Variants in RBFOX1 observed in about 807,000 individuals in gnomAD.
The protein encoded by RBFOX1 is RNA binding fox-1 homolog 1.
A neutral mutation model predicts 57.7 loss-of-function variants in RBFOX1; 8 were observed. The ratio of observed to expected loss-of-function variants is 0.14; its 90% CI spans 0.08 to 0.25. The LOEUF (loss-of-function observed/expected upper bound fraction) is 0.25, where lower values mean the gene tolerates loss of function less well. RBFOX1 is among the 10% of genes least tolerant of loss of function. The probability of loss-of-function intolerance (pLI) is 1.00; values close to 1 mark genes in which losing one functional copy is unlikely to be tolerated. For synonymous variants in RBFOX1, 326 were observed against 222.4 expected (o/e 1.47, Z -4.15); for missense variants, 611 against 548.5 (o/e 1.11, Z -1.14).
intron 1 of RBFOX1, among the ~76,000 whole-genome samples, chr16:5,427,583 TCAAAA>T (rs4039609): frequency 0.35 from 51,543 of 148,476 alleles, 9,305 homozygotes; most frequent in African/African-American, 0.43. Flanking sequence ...AGACTCTGTC[TCAAAA>T]CAAAACAAAA....
At chr16:7,092,078 A>T (rs2060955167) in intron 4 of RBFOX1, among the ~76,000 whole-genome samples, 1 of 152,226 alleles carries the variant, frequency 6.6e-6, no homozygotes, top group African/African-American at 2.4e-5. Flanking sequence ...ATATGCTGGA[A>T]CACTGGTTAA....
intron 4 of RBFOX1, among the ~76,000 whole-genome samples, chr16:5,999,387 T>C (rs1250653261): frequency 6.6e-6 from 1 of 152,244 alleles, no homozygotes; most frequent in African/African-American, 2.4e-5. Flanking sequence ...GGTCAAACTC[T>C]TCCCCCATTG....
At chr16:7,172,294 G>A (rs2061810) in intron 4 of RBFOX1, among the ~76,000 whole-genome samples, 30,854 of 151,966 alleles carry the variant, frequency 0.2, 4,875 homozygotes, top group African/African-American at 0.43. Context: ...CTTCTTTCAT[G>A]TAAATGCCCA....
chr16:5,841,622 C>G (rs1240113638), intron 3 of RBFOX1, among the ~76,000 whole-genome samples: 1 of 152,170 alleles, frequency 6.6e-6, no homozygotes, highest in Non-Finnish European at 1.5e-5. Context: ...GGATATACTT[C>G]TGTTAATCTC....
At chr16:7,052,002 G>C in intron 3 of RBFOX1, 55 bp from the exon 4 acceptor site, 1 of 1,589,812 alleles carries the variant, frequency 6.3e-7, no homozygotes, top group Non-Finnish European at 8.6e-7. Context: ...TTTCTTTCAT[G>C]TTTTTCTGAT....
intron 3 of RBFOX1, among the ~76,000 whole-genome samples, chr16:5,607,725 T>G (rs1416335708): frequency 6.6e-6 from 1 of 152,202 alleles, no homozygotes. Context: ...TGCCCCAATC[T>G]GAGGTCACTG....
At chr16:6,608,633 AACT>A (rs1271569982) in intron 2 of RBFOX1, among the ~76,000 whole-genome samples, 1 of 152,196 alleles carries the variant, frequency 6.6e-6, no homozygotes, top group African/African-American at 2.4e-5. Flanking sequence ...TACAAAAATT[AACT>A]AGTCATGGCG....
chr16:7,362,058 T>C (rs1472272245), intron 4 of RBFOX1, among the ~76,000 whole-genome samples: 1 of 151,932 alleles, frequency 6.6e-6, no homozygotes, highest in Non-Finnish European at 1.5e-5. Flanking sequence ...GTTTTGTGTA[T>C]ATGTTAGTAC....
At chr16:5,420,877 C>T (rs1242103999) in intron 1 of RBFOX1, among the ~76,000 whole-genome samples, 1 of 54,266 alleles carries the variant, frequency 1.8e-5, no homozygotes, top group Non-Finnish European at 3.7e-5. Context: ...TCCTCTCCCT[C>T]CCTCCCCCTC....
chr16:5,785,687 C>G (rs1000944889), intron 3 of RBFOX1, among the ~76,000 whole-genome samples: 3 of 151,944 alleles, frequency 2.0e-5, no homozygotes, highest in Non-Finnish European at 4.4e-5. Context: ...ACCACCATAC[C>G]CGGCTAATTT....
chr16:7,694,048 C>T (rs1278641416), intron 14 of RBFOX1, among the ~76,000 whole-genome samples: 8 of 152,120 alleles, frequency 5.3e-5, no homozygotes, highest in Non-Finnish European at 7.4e-5. Flanking sequence ...TGGTTCAGAA[C>T]AGTTAAATTT....
intron 4 of RBFOX1, among the ~76,000 whole-genome samples, chr16:7,371,406 C>G (rs558271473): frequency 4.6e-5 from 7 of 152,252 alleles, no homozygotes; most frequent in African/African-American, 1.7e-4. Context: ...TAAAGCTAAT[C>G]AGTATCAGCG....
At chr16:5,264,589 TATTTGC>T (rs902129157) in intron 1 of RBFOX1, among the ~76,000 whole-genome samples, 1 of 152,244 alleles carries the variant, frequency 6.6e-6, no homozygotes, top group Non-Finnish European at 1.5e-5. Context: ...AACATTTTTG[TATTTGC>T]ATTTTTTCTC....
chr16:6,103,574 A>T (rs577525366), intron 1 of RBFOX1, among the ~76,000 whole-genome samples: 1 of 152,196 alleles, frequency 6.6e-6, no homozygotes, highest in Admixed American at 6.5e-5. Flanking sequence ...TCAAGTGATA[A>T]CAAGCAGATT....
intron 3 of RBFOX1, among the ~76,000 whole-genome samples, chr16:6,933,035 T>C (rs1165269752): frequency 2.0e-5 from 3 of 152,248 alleles, no homozygotes; most frequent in African/African-American, 7.2e-5. Flanking sequence ...TAGCATAATA[T>C]CCTTAAGGTT....
chr16:7,577,315 C>T (rs1416598634), intron 5 of RBFOX1, among the ~76,000 whole-genome samples: 1 of 152,136 alleles, frequency 6.6e-6, no homozygotes, highest in African/African-American at 2.4e-5. Context: ...AGCCCCTTGA[C>T]TATCTTTGAA....
At chr16:6,124,828 C>G (rs1473141592) in intron 1 of RBFOX1, among the ~76,000 whole-genome samples, 1 of 152,038 alleles carries the variant, frequency 6.6e-6, no homozygotes, top group African/African-American at 2.4e-5. Flanking sequence ...GTGCCTGGCG[C>G]CAATTCAATT....
intron 1 of RBFOX1, among the ~76,000 whole-genome samples, chr16:6,150,424 T>C (rs1051151516): frequency 6.6e-6 from 1 of 152,072 alleles, no homozygotes; most frequent in Non-Finnish European, 1.5e-5. Context: ...AGGTGAGAAG[T>C]GGAGCTCTAC....
At chr16:6,436,517 T>C (rs976318869) in intron 2 of RBFOX1, among the ~76,000 whole-genome samples, 26 of 151,354 alleles carry the variant, frequency 1.7e-4, no homozygotes, top group African/African-American at 6.3e-4. Flanking sequence ...TTCACTTTTT[T>C]TTTTTTTTTT....
Sources: gnomAD v4.1 joint callset for allele counts (sites outside exome capture counted in the v4.1 genomes callset) on GRCh38, gnomAD v4.1.1 for gene constraint, MANE v1.5 for transcripts, NCBI Gene and HGNC (gene_info 2026-07-23, HGNC 2026-07-21) for gene names.